The following ZNF362 variants were observed in gnomAD, a reference collection of about 807,000 sequenced individuals.
ZNF362 encodes the protein rotund homolog.
In ZNF362, 11 loss-of-function variants were observed where a neutral mutation model predicts 42.9. The ratio of observed to expected loss-of-function variants is 0.26; its 90% CI spans 0.16 to 0.42. The LOEUF (loss-of-function observed/expected upper bound fraction) is 0.42, where lower values mean the gene tolerates loss of function less well. Ranked by LOEUF, ZNF362 falls within the 20% of genes least tolerant of loss-of-function variation. The probability of loss-of-function intolerance (pLI) is 1.00; values close to 1 mark genes in which losing one functional copy is unlikely to be tolerated. For missense variants in ZNF362, 362 were observed against 576.2 expected (o/e 0.63, Z 3.81); for synonymous variants, 255 against 257.3 (o/e 0.99, Z 0.09).
the ZNF362 span, among the ~76,000 whole-genome samples, chr1:33,143,537 G>T: frequency 6.6e-6 from 1 of 152,094 alleles, no homozygotes; most frequent in Non-Finnish European, 1.5e-5. Flanking sequence ...GACAATCAGA[G>T]ACCTCTCCAC....
intron 8 of ZNF362, 88 bp downstream of exon 8, chr1:33,295,393 G>T: frequency 6.8e-7 from 1 of 1,472,550 alleles, no homozygotes; most frequent in Non-Finnish European, 9.1e-7. Context: ...GATCTGTGTC[G>T]ACTCTTCCCA....
chr1:33,190,092 C>G, the ZNF362 span, among the ~76,000 whole-genome samples: 1 of 152,118 alleles, frequency 6.6e-6, no homozygotes, highest in African/African-American at 2.4e-5. Flanking sequence ...TACTGTGGTA[C>G]TGGGTCTGAG....
the ZNF362 span, among the ~76,000 whole-genome samples, chr1:33,189,722 TACAC>T: frequency 5.8e-5 from 6 of 102,948 alleles, no homozygotes; most frequent in African/African-American, 2.0e-4. Flanking sequence ...TATATATACA[TACAC>T]ACATACACAT....
chr1:33,221,752 C>T, the ZNF362 span, among the ~76,000 whole-genome samples: 1 of 152,074 alleles, frequency 6.6e-6, no homozygotes, highest in Non-Finnish European at 1.5e-5. Flanking sequence ...AAGAACTGGT[C>T]CTTAACTTTA....
the ZNF362 span, among the ~76,000 whole-genome samples, chr1:33,193,478 A>G: frequency 2.0e-5 from 3 of 152,266 alleles, no homozygotes; most frequent in African/African-American, 7.2e-5. Flanking sequence ...ATTACAAAGT[A>G]TGAGAGGAAA....
chr1:33,216,599 C>CAAAAA, the ZNF362 span, among the ~76,000 whole-genome samples: 441 of 71,860 alleles, frequency 6.1e-3, 9 homozygotes, highest in African/African-American at 0.021. Context: ...GACTCTGTCT[C>CAAAAA]AAAAAAAAAA....
the ZNF362 span, chr1:33,195,833 G>T: frequency 2.0e-5 from 3 of 151,832 alleles, no homozygotes; most frequent in South Asian, 6.3e-4. Flanking sequence ...GTACACTATG[G>T]CTACACTAAA....
At chr1:33,186,453 G>C in the ZNF362 span, among the ~76,000 whole-genome samples, 2 of 151,884 alleles carry the variant, frequency 1.3e-5, no homozygotes, top group Non-Finnish European at 2.9e-5. Context: ...TGTGAGTTCA[G>C]TGCTAGTGAA....
rs1283470227 is a variant in ZNF362, at chr1:33,295,248, C to T, written c.1089C>T (p.His363=). 6.8e-6 allele frequency: 11 copies of T among 1,614,138 alleles called. No individual in the cohort carries two copies. The highest frequency in any genetic ancestry group is 6.7e-5 in the Admixed American group (4 of 60,016). ...SASLQIHLSA[H]AIKHAKAYCC... is the part of the protein sequence containing the mutation. ...CTTTGCAGATCCACCTCTCGGCCCACGCCATCAAGCACGCCAAGGCCTACT... is the reference window on the plus strand; with the variant it reads ...CTTTGCAGATCCACCTCTCGGCCCATGCCATCAAGCACGCCAAGGCCTACT... Residue 363 remains histidine, a synonymous_variant, in exon 8 of 9, where the codon CAC becomes CAT. Coordinates refer to ENST00000539719, the MANE Select transcript of ZNF362 (RefSeq NM_152493.3).
At chr1:33,136,405 A>G in the ZNF362 span, among the ~76,000 whole-genome samples, 30 of 143,762 alleles carry the variant, frequency 2.1e-4, no homozygotes, top group African/African-American at 7.8e-4. Flanking sequence ...GTGCCTCGCC[A>G]TCACCCAGGC....
At chr1:33,297,210 CCA>C (rs1646131063) in intron 8 of ZNF362, among the ~76,000 whole-genome samples, 1 of 152,190 alleles carries the variant, frequency 6.6e-6, no homozygotes, top group Non-Finnish European at 1.5e-5. Flanking sequence ...TAGCTGATCT[CCA>C]GTCAGTCCCT....
At chr1:33,138,707 A>C in the ZNF362 span, among the ~76,000 whole-genome samples, 1 of 151,194 alleles carries the variant, frequency 6.6e-6, no homozygotes, top group African/African-American at 2.4e-5. Context: ...ATCTCTGGAC[A>C]GTGGCTGATG....
At chr1:33,134,138 T>C in the ZNF362 span, among the ~76,000 whole-genome samples, 1 of 152,236 alleles carries the variant, frequency 6.6e-6, no homozygotes, top group African/African-American at 2.4e-5. Context: ...ACACTTACCG[T>C]GGGCCAGGCA....
chr1:33,155,850 C>T, the ZNF362 span, among the ~76,000 whole-genome samples: 1 of 152,212 alleles, frequency 6.6e-6, no homozygotes, highest in Non-Finnish European at 1.5e-5. Flanking sequence ...GCACTGATTT[C>T]CCAGTCCCAA....
chr1:33,137,331 G>A, the ZNF362 span, among the ~76,000 whole-genome samples: 6 of 152,126 alleles, frequency 3.9e-5, no homozygotes, highest in African/African-American at 1.4e-4. Context: ...AGTAAAAAGA[G>A]GATAAAAATG....
chr1:33,224,020 A>G, the ZNF362 span, among the ~76,000 whole-genome samples: 1 of 152,170 alleles, frequency 6.6e-6, no homozygotes. Flanking sequence ...CTTGAGAAAA[A>G]GAACATGATC....
At chr1:33,277,558 C>A (rs66950716) in intron 4 of ZNF362, among the ~76,000 whole-genome samples, 11,012 of 152,126 alleles carry the variant, frequency 0.072, 639 homozygotes, top group African/African-American at 0.16. Context: ...GGTGGAGACC[C>A]GGTTGTCAGG....
the ZNF362 span, among the ~76,000 whole-genome samples, chr1:33,189,648 T>TATATAC: frequency 6.2e-4 from 12 of 19,370 alleles, no homozygotes; most frequent in African/African-American, 1.1e-3. Flanking sequence ...TATATATATA[T>TATATAC]ATATATATAT....
the ZNF362 span, among the ~76,000 whole-genome samples, chr1:33,191,423 G>A: frequency 6.6e-6 from 1 of 152,096 alleles, no homozygotes; most frequent in African/African-American, 2.4e-5. Flanking sequence ...CCCAAAGCAG[G>A]CACATCTTCC....
Sources: gnomAD v4.1 joint callset for allele counts (sites outside exome capture counted in the v4.1 genomes callset) on GRCh38, gnomAD v4.1.1 for gene constraint, MANE v1.5 for transcripts, NCBI Gene and HGNC (gene_info 2026-07-23, HGNC 2026-07-21) for gene names.